CTDSPL: variants seen among roughly 807,000 people sequenced by gnomAD.
The protein encoded by CTDSPL is CTD small phosphatase-like protein.
A neutral mutation model predicts 30.5 loss-of-function variants in CTDSPL; 8 were observed. The observed-to-expected ratio is 0.26, with a 90% CI of 0.15 to 0.47. CTDSPL has a LOEUF of 0.47. CTDSPL is among the 20% of genes least tolerant of loss of function. The pLI, the probability that CTDSPL is intolerant of heterozygous loss-of-function variation, is 0.99. For missense variants in CTDSPL, 248 were observed against 366.1 expected (o/e 0.68, Z 2.63); for synonymous variants, 110 against 137.9 (o/e 0.80, Z 1.42).
At position 37,903,083 on chromosome 3, in the gene CTDSPL, C is replaced by A. The variant is rs144767861; in HGVS notation, c.79+40805C>A. 3.3e-5 allele frequency among the ~76,000 whole-genome samples: 5 copies of A among 152,286 alleles called. No individual in the cohort carries two copies. The East Asian group carries it at 7.7e-4, about 24-fold the overall frequency. On this transcript the variant is annotated intron_variant, in intron 1 of 7. Coordinates refer to ENST00000273179, the MANE Select transcript of CTDSPL (RefSeq NM_001008392.2). Reference sequence around the variant, plus strand: ...TGGTGGTGGGCTTCTCATTATCTGGCAGCTAGAGAGCCAAGCACAGGCCTT... The same window carrying A: ...TGGTGGTGGGCTTCTCATTATCTGGAAGCTAGAGAGCCAAGCACAGGCCTT...
At chr3:37,930,310 G>A (rs573482203) in intron 1 of CTDSPL, among the ~76,000 whole-genome samples, 1 of 151,676 alleles carries the variant, frequency 6.6e-6, no homozygotes, top group African/African-American at 2.4e-5. Flanking sequence ...ACCCAGGCTG[G>A]AGTGCAGCAG....
rs965884221 is a variant in CTDSPL at position 37,981,604 on chromosome 3, A to G, written c.*737A>G. The G allele has an allele frequency of 2.9e-5, 9 of 312,444 alleles. No individual in the cohort carries two copies. Among genetic ancestry groups the G allele is most frequent in the South Asian group, 2.3e-4 (9 of 38,350 alleles). The allele number at this position is 312,444 out of a possible 1,614,324, so 19.4% of individuals were successfully genotyped here. On this transcript the variant is annotated 3_prime_UTR_variant, in exon 8 of 8. Transcript: ENST00000273179. ...GTGTGGCTCAACACTTTAGGAAACA[A>G]TAGATTATTTTATATTATTATTTCT...
chr3:37,921,682 G>A (rs553686648), intron 1 of CTDSPL, among the ~76,000 whole-genome samples: 1 of 151,628 alleles, frequency 6.6e-6, no homozygotes, highest in African/African-American at 2.4e-5. Flanking sequence ...CTTTTGTGCT[G>A]ATATTGAACT....
intron 1 of CTDSPL, among the ~76,000 whole-genome samples, chr3:37,895,849 G>A (rs1306844690): frequency 6.6e-6 from 1 of 151,926 alleles, no homozygotes; most frequent in Non-Finnish European, 1.5e-5. Flanking sequence ...TAAGATTTGG[G>A]CACTTCACTG....
chr3:37,969,968 TC>T (rs1264760448), intron 5 of CTDSPL, among the ~76,000 whole-genome samples: 1 of 152,090 alleles, frequency 6.6e-6, no homozygotes, highest in Non-Finnish European at 1.5e-5. Flanking sequence ...CCTCTGCTGC[TC>T]CTCCTGCCAT....
At chr3:37,935,328 A>G (rs555530593) in intron 1 of CTDSPL, among the ~76,000 whole-genome samples, 154 of 150,594 alleles carry the variant, frequency 1.0e-3, no homozygotes, top group African/African-American at 3.4e-3. Flanking sequence ...ATAGGTTAAA[A>G]AAAAAACGGG....
chr3:37,865,463 C>CT (rs1397989720), intron 1 of CTDSPL, among the ~76,000 whole-genome samples: 1 of 152,150 alleles, frequency 6.6e-6, no homozygotes, highest in African/African-American at 2.4e-5. Flanking sequence ...TGGAAAATGA[C>CT]TTAATAGACT....
chr3:37,964,032 T>TAAAAAAAAAAAAAAA (rs58061973), intron 3 of CTDSPL, among the ~76,000 whole-genome samples: 3 of 22,990 alleles, frequency 1.3e-4, no homozygotes, highest in African/African-American at 2.5e-4. Context: ...TCTCAGTCAC[T>TAAAAAAAAAAAAAAA]AAAAAAAAAA....
chr3:37,878,014 C>T (rs1230022158), intron 1 of CTDSPL, among the ~76,000 whole-genome samples: 2 of 152,134 alleles, frequency 1.3e-5, no homozygotes, highest in African/African-American at 2.4e-5. Flanking sequence ...ACTATATCAC[C>T]TCCATACTGT....
chr3:37,965,662 A>T (rs531294025), intron 4 of CTDSPL, among the ~76,000 whole-genome samples: 10 of 152,306 alleles, frequency 6.6e-5, no homozygotes, highest in African/African-American at 2.4e-4. Flanking sequence ...GTCATTCCTT[A>T]CAAGTTGTAG....
At chr3:37,865,681 G>A (rs1698000617) in intron 1 of CTDSPL, among the ~76,000 whole-genome samples, 1 of 152,168 alleles carries the variant, frequency 6.6e-6, no homozygotes, top group South Asian at 2.1e-4. Context: ...CAACATCATA[G>A]TGATTCTCCT....
chr3:37,869,849 C>A lies in CTDSPL; in HGVS notation c.79+7571C>A, dbSNP rs146345833. 5.4e-4 allele frequency among the ~76,000 whole-genome samples: 82 copies of A among 152,186 alleles called. 3 individuals are homozygous for A. In the East Asian group the frequency reaches 7.1e-3, roughly 13 times the overall value. On this transcript the variant is annotated intron_variant, in intron 1 of 7. Coordinates refer to ENST00000273179, the MANE Select transcript of CTDSPL (RefSeq NM_001008392.2). ...TGTTAACTTTTGTCTTATGCTTTTT[C>A]TGCAACAATTAGTCTAATCATGTGA...
At chr3:37,900,199 G>C (rs73056997) in intron 1 of CTDSPL, among the ~76,000 whole-genome samples, 2 of 152,184 alleles carry the variant, frequency 1.3e-5, no homozygotes, top group Non-Finnish European at 2.9e-5. Flanking sequence ...GAGTGTGAGC[G>C]GGGAGGGAAT....
intron 6 of CTDSPL, among the ~76,000 whole-genome samples, chr3:37,974,188 C>T (rs1054309031): frequency 4.6e-5 from 7 of 152,230 alleles, no homozygotes; most frequent in Non-Finnish European, 7.3e-5. Context: ...AACCCACCCA[C>T]GTGGCCCCTG....
At chr3:37,891,016 C>T (rs1698319485) in intron 1 of CTDSPL, among the ~76,000 whole-genome samples, 1 of 152,156 alleles carries the variant, frequency 6.6e-6, no homozygotes, top group South Asian at 2.1e-4. Context: ...CCTAGTATGA[C>T]ACAAGAGTAT....
intron 1 of CTDSPL, among the ~76,000 whole-genome samples, chr3:37,929,327 G>A (rs928524366): frequency 6.6e-5 from 10 of 152,116 alleles, no homozygotes; most frequent in African/African-American, 2.2e-4. Flanking sequence ...AACAAAAGCC[G>A]TTTGGATTTT....
chr3:37,982,524 G>C lies in CTDSPL; in HGVS notation c.*1657G>C. ...TGGCATTAACAAGACTGGAAATCGG[G>C]GGTCAAAGTAAAATATCTTTGTTTT... On this transcript the variant is annotated 3_prime_UTR_variant, in exon 8 of 8. Coordinates refer to ENST00000273179, the MANE Select transcript of CTDSPL (RefSeq NM_001008392.2). 2.2e-6 allele frequency: 1 copy of C among 456,528 alleles called. No individual in the cohort carries two copies. Among genetic ancestry groups the C allele is most frequent in the East Asian group, 6.9e-5 (1 of 14,408 alleles). 28.3% of individuals were successfully genotyped at this position (456,528 alleles called of 1,614,324 possible). A position where few individuals can be genotyped will look rare whatever the true frequency, so the allele number is the denominator to read the frequency against.
chr3:37,904,384 G>T (rs944232861), intron 1 of CTDSPL, among the ~76,000 whole-genome samples: 4 of 152,148 alleles, frequency 2.6e-5, no homozygotes. Flanking sequence ...CCCGCCCAGT[G>T]GATGGAAGAC....
At chr3:37,870,991 T>A (rs1698065311) in intron 1 of CTDSPL, among the ~76,000 whole-genome samples, 1 of 152,188 alleles carries the variant, frequency 6.6e-6, no homozygotes, top group Non-Finnish European at 1.5e-5. Flanking sequence ...ACATAAGGGT[T>A]CACTCCTGGG....
Sources: allele counts gnomAD v4.1 joint callset (sites outside exome capture counted in the v4.1 genomes callset), GRCh38; gene constraint gnomAD v4.1.1; transcripts MANE v1.5; gene names NCBI Gene and HGNC (gene_info 2026-07-23, HGNC 2026-07-21).